C11orf65: variants seen among roughly 807,000 people sequenced by gnomAD.
C11orf65 encodes protein MFI.
C11orf65 carries 38 observed loss-of-function variants against 35.3 expected under a neutral mutation model. That is an observed-to-expected ratio of 1.08 (90% CI 0.83 to 1.41). The LOEUF (loss-of-function observed/expected upper bound fraction) is 1.41, where lower values mean the gene tolerates loss of function less well. Among genes scored for constraint, C11orf65 ranks in the 40% most tolerant of loss-of-function variants. The pLI is 0.00. For missense variants in C11orf65, 370 were observed against 367.1 expected, an observed-to-expected ratio of 1.01 and a Z score of -0.06; for synonymous variants, 105 against 114.4, an observed-to-expected ratio of 0.92 and a Z score of 0.53.
At chr11:108,366,950 A>G (rs1422194556) in intron 2 of C11orf65, 1 of 217,392 alleles carries the variant, frequency 4.6e-6, no homozygotes, top group Non-Finnish European at 9.3e-6. Flanking sequence ...CAGGACAGCT[A>G]CAGCATCAGC....
rs2093260283 is a variant in C11orf65 at position 108,446,453 on chromosome 11, C to T, written c.82-14615G>A. On this transcript the variant is annotated intron_variant, in intron 2 of 8. Coordinates refer to ENST00000393084, the MANE Select transcript of C11orf65 (RefSeq NM_152587.5). Reference sequence around the variant, plus strand: ...GATCTCTCAGCAGAAACTCTACAAGCCAGAAGACAGTGGGGGCCAATATTC... The same window carrying T: ...GATCTCTCAGCAGAAACTCTACAAGTCAGAAGACAGTGGGGGCCAATATTC... 3.3e-5 allele frequency among the ~76,000 whole-genome samples: 5 copies of T among 151,728 alleles called. 1 individual carries two copies. Among genetic ancestry groups the T allele is most frequent in the South Asian group, 4.2e-4 (2 of 4,812 alleles).
At chr11:108,380,455 G>A (rs114125248), downstream of C11orf65, among the ~76,000 whole-genome samples, 312 of 151,246 alleles carry the variant, frequency 2.1e-3, no homozygotes, top group African/African-American at 7.1e-3. Flanking sequence ...TATAAGGTGT[G>A]GATCTTCACA....
chr11:108,328,209 A>G (rs1324362508), downstream of C11orf65, among the ~76,000 whole-genome samples: 3 of 152,128 alleles, frequency 2.0e-5, no homozygotes, highest in African/African-American at 7.2e-5. Flanking sequence ...ACCTCACTAA[A>G]TAAGTGTAAC....
At chr11:108,334,523 C>T (rs1318049147) in intron 3 of C11orf65, among the ~76,000 whole-genome samples, 1 of 152,026 alleles carries the variant, frequency 6.6e-6, no homozygotes, top group Non-Finnish European at 1.5e-5. Context: ...AAATGATCAT[C>T]TTAAATACAT....
chr11:108,344,309 G>A (rs1157761832), intron 2 of C11orf65, among the ~76,000 whole-genome samples: 1 of 152,120 alleles, frequency 6.6e-6, no homozygotes, highest in Non-Finnish European at 1.5e-5. Flanking sequence ...TGTGTGAGCC[G>A]AGTTTTGTAA....
At chr11:108,404,896 T>A (rs1250915605) in intron 6 of C11orf65, among the ~76,000 whole-genome samples, 1 of 152,192 alleles carries the variant, frequency 6.6e-6, no homozygotes, top group Non-Finnish European at 1.5e-5. Context: ...AAATATTAGT[T>A]ATGATGGCCA....
At chr11:108,350,835 A>G (rs2137193754) in intron 2 of C11orf65, among the ~76,000 whole-genome samples, 1 of 152,222 alleles carries the variant, frequency 6.6e-6, no homozygotes. Context: ...GCATCTATAA[A>G]TGAGAAGGGT....
intron 2 of C11orf65, among the ~76,000 whole-genome samples, chr11:108,361,301 T>G (rs1237765812): frequency 1.5e-5 from 2 of 133,822 alleles, no homozygotes; most frequent in Admixed American, 7.6e-5. Flanking sequence ...TAAAAGAGGA[T>G]ACAAACAAAT....
chr11:108,310,421 AT>A, intron 6 of C11orf65: 1 of 1,060,582 alleles, frequency 9.4e-7, no homozygotes, highest in Non-Finnish European at 1.3e-6. Context: ...TTTAAAAGAT[AT>A]TTTAGATAGA....
chr11:108,424,712 C>T (rs958352969), intron 3 of C11orf65, among the ~76,000 whole-genome samples: 1 of 152,180 alleles, frequency 6.6e-6, no homozygotes, highest in African/African-American at 2.4e-5. Context: ...AAGATACATT[C>T]TTCTCAACAT....
rs527524884 is a variant in C11orf65, at chr11:108,420,079, A to G, written c.174+11667T>C. 1.6e-3 allele frequency among the ~76,000 whole-genome samples: 237 copies of G among 152,304 alleles called. 2 individuals carry two copies. Among genetic ancestry groups the G allele is most frequent in the Non-Finnish European group, 2.1e-3 (144 of 68,034 alleles). ...TTGGGAACAAAGCTAATGTGCAAAA[A>G]TTGATTGTCTTTCTACATAATAGCA... On this transcript the variant is annotated intron_variant, in intron 3 of 8. Coordinates refer to ENST00000393084, the MANE Select transcript of C11orf65 (RefSeq NM_152587.5).
chr11:108,437,110 AG>A lies in C11orf65; in HGVS notation c.82-5273del, dbSNP rs1555172798. Among the ~76,000 whole-genome samples the A allele has an allele frequency of 2.3e-3, 235 of 101,926 alleles. 3 individuals carry two copies. Among genetic ancestry groups the A allele is most frequent in the African/African-American group, 8.5e-3 (223 of 26,090 alleles). 66.9% of individuals were successfully genotyped at this position (101,926 alleles called of 152,430 possible). ...CCATTACGACAAAAAAAAAAAAAAAAGGGGGGGGGTGGACAAAATTTTAAAA... is the reference window on the plus strand; with the variant it reads ...CCATTACGACAAAAAAAAAAAAAAAAGGGGGGGGTGGACAAAATTTTAAAA... On this transcript the variant is annotated intron_variant, in intron 2 of 8. Coordinates refer to ENST00000393084, the MANE Select transcript of C11orf65 (RefSeq NM_152587.5).
rs1591383406 is a variant in C11orf65 at position 108,364,980 on chromosome 11, T to G, written c.226+28228A>C. On this transcript the variant is annotated intron_variant, in intron 2 of 3. Transcript: ENST00000524755. ...ATGTTTGTTCCCCTCCCCCATCAAC[T>G]ACCATGTGACTGGCTTATTTGTATG... 4.4e-6 allele frequency: 6 copies of G among 1,364,394 alleles called. No homozygotes were observed. In the East Asian group the frequency reaches 1.4e-4, roughly 33 times the overall value. The allele number at this position is 1,364,394 out of a possible 1,614,324, so 84.5% of individuals were successfully genotyped here.
At position 108,356,159 on chromosome 11, in the gene C11orf65, A is replaced by T. The variant is rs182774981; in HGVS notation, c.227-20867T>A. The T allele has an allele frequency of 1.3e-4, 20 of 152,308 alleles. No homozygotes were observed. In the East Asian group the frequency reaches 2.3e-3, roughly 18 times the overall value. The allele number at this position is 152,308 out of a possible 1,614,324, so 9.4% of individuals were successfully genotyped here. On this transcript the variant is annotated intron_variant, in intron 2 of 3. Transcript: ENST00000524755. ...AAATAAGCATGATGTGTAACATTTT[A>T]AAAAAATAATACATGGTAACATGGA...
intron 2 of C11orf65, among the ~76,000 whole-genome samples, chr11:108,459,121 G>C (rs1453402663): frequency 6.6e-6 from 1 of 152,166 alleles, no homozygotes; most frequent in Non-Finnish European, 1.5e-5. Context: ...CAGCTATTAA[G>C]CAGGGTGTCT....
intron 6 of C11orf65, among the ~76,000 whole-genome samples, chr11:108,313,594 GATTTTTCTC>G (rs2084355744): frequency 6.6e-6 from 1 of 152,080 alleles, no homozygotes; most frequent in Non-Finnish European, 1.5e-5. Flanking sequence ...CCACTCTCCT[GATTTTTCTC>G]CTTTCACTTT....
intron 6 of C11orf65, among the ~76,000 whole-genome samples, chr11:108,318,106 A>G (rs1222925292): frequency 2.0e-5 from 3 of 152,170 alleles, no homozygotes; most frequent in Non-Finnish European, 2.9e-5. Flanking sequence ...TCATGCCTAT[A>G]ATCCTAGCAC....
At chr11:108,387,436 AATT>A (rs2092038424) in intron 7 of C11orf65, among the ~76,000 whole-genome samples, 1 of 151,468 alleles carries the variant, frequency 6.6e-6, no homozygotes, top group South Asian at 2.1e-4. Context: ...GTGATTTTCT[AATT>A]ATTTGTTCCA....
chr11:108,322,669 C>T (rs895223373), intron 6 of C11orf65, among the ~76,000 whole-genome samples: 4 of 152,030 alleles, frequency 2.6e-5, no homozygotes, highest in Non-Finnish European at 5.9e-5. Context: ...AGTTGATTAG[C>T]CCTAGAGAAT....
Sources: allele counts gnomAD v4.1 joint callset (sites outside exome capture counted in the v4.1 genomes callset), GRCh38; gene constraint gnomAD v4.1.1; transcripts MANE v1.5; gene names NCBI Gene and HGNC (gene_info 2026-07-23, HGNC 2026-07-21).